The following MYO1E variants were observed in gnomAD, a reference collection of about 807,000 sequenced individuals.
The protein encoded by MYO1E is myosin IE.
In MYO1E, 68 loss-of-function variants were observed where a neutral mutation model predicts 151.1. The ratio of observed to expected loss-of-function variants is 0.45; its 90% CI spans 0.37 to 0.55. The LOEUF (loss-of-function observed/expected upper bound fraction) is 0.55. Ranked by LOEUF, MYO1E falls within the 20% of genes least tolerant of loss-of-function variation. MYO1E has a pLI of 0.00. For missense variants in MYO1E, 1,363 were observed against 1,389.3 expected, an observed-to-expected ratio of 0.98 and a Z score of 0.30; for synonymous variants, 601 against 501.7, an observed-to-expected ratio of 1.20 and a Z score of -2.64.
intron 1 of MYO1E, among the ~76,000 whole-genome samples, chr15:59,296,612 A>G (rs2080449867): frequency 6.6e-6 from 1 of 151,988 alleles, no homozygotes; most frequent in African/African-American, 2.4e-5. Context: ...TGTCCACATC[A>G]ACTGGAGTGA....
intron 5 of MYO1E, among the ~76,000 whole-genome samples, chr15:59,232,825 A>T (rs1398093825): frequency 6.6e-6 from 1 of 152,202 alleles, no homozygotes. Flanking sequence ...CTACTAACTG[A>T]CTATGTAACA....
At chr15:59,253,705 C>G (rs2080178390) in intron 4 of MYO1E, among the ~76,000 whole-genome samples, 1 of 152,060 alleles carries the variant, frequency 6.6e-6, no homozygotes, top group Admixed American at 6.6e-5. Flanking sequence ...TGGTCTTGAT[C>G]TCCTGACCTC....
rs73424993 is a variant in MYO1E, at chr15:59,288,512, C to T, written c.4-16063G>A. Among the ~76,000 whole-genome samples, 1,238 of 152,250 alleles carry T rather than the reference C, an allele frequency of 8.1e-3. 16 individuals are homozygous for T. The highest frequency in any genetic ancestry group is 0.029 in the African/African-American group (1,200 of 41,530). On this transcript the variant is annotated intron_variant, in intron 1 of 27. Transcript: ENST00000288235. Reference sequence around the variant, plus strand: ...CTTTTGAGTACATTAAAAGAGATAACGCACAGAGATTTCATATTACCCAAG... The same window carrying T: ...CTTTTGAGTACATTAAAAGAGATAATGCACAGAGATTTCATATTACCCAAG...
chr15:59,194,223 T>G (rs1472735932), intron 17 of MYO1E, among the ~76,000 whole-genome samples: 2 of 152,140 alleles, frequency 1.3e-5, no homozygotes, highest in Non-Finnish European at 2.9e-5. Flanking sequence ...ATGAGATTAT[T>G]CAGAACATAG....
At chr15:59,352,496 G>A (rs143354431) in intron 1 of MYO1E, among the ~76,000 whole-genome samples, 12 of 152,120 alleles carry the variant, frequency 7.9e-5, no homozygotes, top group African/African-American at 2.9e-4. Flanking sequence ...ACCTAAATAC[G>A]CATGTGTCTA....
chr15:59,186,969 T>C (rs569282444), intron 18 of MYO1E, among the ~76,000 whole-genome samples: 45 of 152,336 alleles, frequency 3.0e-4, no homozygotes, highest in Admixed American at 1.5e-3. Context: ...TTAAGGGATA[T>C]ATAAAAATAA....
chr15:59,209,954 C>A lies in MYO1E; in HGVS notation c.1362+560G>T, dbSNP rs369314394. ...GGCTCAAGCGATCCTCCCACCTCAG[C>A]CTCCAGAGTAGCTGGGACTACAGGT... On this transcript the variant is annotated intron_variant, in intron 13 of 27. Coordinates refer to ENST00000288235, the MANE Select transcript of MYO1E (RefSeq NM_004998.4). Among the ~76,000 whole-genome samples, 124 of 151,236 alleles carry A rather than the reference C, an allele frequency of 8.2e-4. 1 individual carries two copies. In the South Asian group the frequency reaches 0.024, roughly 29 times the overall value.
intron 6 of MYO1E, among the ~76,000 whole-genome samples, chr15:59,230,199 T>TGA (rs147749429): frequency 0.016 from 2,187 of 135,004 alleles, 58 homozygotes; most frequent in African/African-American, 0.054. Context: ...TGGTGAATAG[T>TGA]GAGAGAGAGA....
intron 1 of MYO1E, among the ~76,000 whole-genome samples, chr15:59,327,654 G>A (rs28507400): frequency 0.018 from 2,812 of 152,204 alleles, 86 homozygotes; most frequent in African/African-American, 0.062. Context: ...AGTGGACAGT[G>A]CAGGAGGGTA....
rs112312834 is a variant in MYO1E at position 59,225,790 on chromosome 15, G to A, written c.643-967C>T. Reference sequence around the variant, plus strand: ...GCCTCCTGAGTAGCTGGGACTACAGGCGCCCACCACCACGGCCAGCTAATT... The same window carrying A: ...GCCTCCTGAGTAGCTGGGACTACAGACGCCCACCACCACGGCCAGCTAATT... On this transcript the variant is annotated intron_variant, in intron 7 of 27. Transcript: ENST00000288235. Among the ~76,000 whole-genome samples, 309 of 152,114 alleles carry A rather than the reference G, an allele frequency of 2.0e-3. 1 individual carries two copies. Among genetic ancestry groups the A allele is most frequent in the African/African-American group, 7.0e-3 (291 of 41,492 alleles).
At chr15:59,336,733 A>C in intron 1 of MYO1E, among the ~76,000 whole-genome samples, 1 of 151,114 alleles carries the variant, frequency 6.6e-6, no homozygotes. Context: ...TAATTCTCCT[A>C]CCCCTCCCCT....
At chr15:59,238,260 A>T (rs1332253627) in intron 4 of MYO1E, among the ~76,000 whole-genome samples, 3 of 152,010 alleles carry the variant, frequency 2.0e-5, no homozygotes, top group African/African-American at 2.4e-5. Flanking sequence ...CAACACACAC[A>T]CTCTCTCATT....
rs1293206275 is a variant in MYO1E at position 59,135,056 on chromosome 15, G to A, written c.*2324C>T. On this transcript the variant is annotated 3_prime_UTR_variant, in exon 28 of 28. Coordinates refer to ENST00000288235, the MANE Select transcript of MYO1E (RefSeq NM_004998.4). ...ATTTCTCCAAACTTTTCTTAATAGT[G>A]TCAGCATTTCAGCATCTCTACGCAG... 6.6e-6 allele frequency: 1 copy of A among 152,172 alleles called. No individual in the cohort carries two copies. Among genetic ancestry groups the A allele is most frequent in the Non-Finnish European group, 1.5e-5 (1 of 68,042 alleles). The allele number at this position is 152,172 out of a possible 1,614,324, so 9.4% of individuals were successfully genotyped here.
chr15:59,151,010 GACAC>G (rs60541381), intron 26 of MYO1E, among the ~76,000 whole-genome samples: 25,715 of 140,766 alleles, frequency 0.18, 2,394 homozygotes, highest in East Asian at 0.32. Context: ...AGAGGAGAGG[GACAC>G]ACACACACAC....
intron 14 of MYO1E, among the ~76,000 whole-genome samples, chr15:59,206,378 C>T (rs11858975): frequency 0.088 from 13,453 of 152,180 alleles, 735 homozygotes; most frequent in African/African-American, 0.16. Flanking sequence ...AAGCCCCAGC[C>T]GACTGTCCCA....
intron 3 of MYO1E, 136 bp from the exon 4 acceptor site, chr15:59,256,514 C>T (rs2080194871): frequency 4.6e-6 from 2 of 439,154 alleles, no homozygotes; most frequent in Non-Finnish European, 7.8e-6. Context: ...AGTTCCAATG[C>T]CTATCATTAC....
rs1364593068 is a variant in MYO1E, at chr15:59,135,876, G to A, written c.*1504C>T. On this transcript the variant is annotated 3_prime_UTR_variant, in exon 28 of 28. Transcript: ENST00000288235. ...TACTTACAACCATTCCATTATTGAT[G>A]GGCATTACACTGATTCCAGCTTTTC... 2 of 152,160 alleles carry A rather than the reference G, an allele frequency of 1.3e-5. No homozygotes were observed. Among genetic ancestry groups the A allele is most frequent in the Non-Finnish European group, 2.9e-5 (2 of 68,038 alleles). The allele number at this position is 152,160 out of a possible 1,614,324, so 9.4% of individuals were successfully genotyped here.
rs71119452 is a variant in MYO1E, at chr15:59,277,564, A to ACAACAACAAC, written c.4-5116_4-5115insGTTGTTGTTG. Among the ~76,000 whole-genome samples, 1,094 of 139,828 alleles carry ACAACAACAAC rather than the reference A, an allele frequency of 7.8e-3. 17 individuals are homozygous for ACAACAACAAC. Among genetic ancestry groups the ACAACAACAAC allele is most frequent in the African/African-American group, 0.028 (1,003 of 36,090 alleles). 91.7% of individuals were successfully genotyped at this position (139,828 alleles called of 152,430 possible). ...ATCCCCCCACAAAAAAAAAAAAAAA[A>ACAACAACAAC]AAAAAAAAACATCAAAGCCTCATCC... On this transcript the variant is annotated intron_variant, in intron 1 of 27. Transcript: ENST00000288235.
chr15:59,318,048 A>C (rs1317691852), intron 1 of MYO1E, among the ~76,000 whole-genome samples: 1 of 152,184 alleles, frequency 6.6e-6, no homozygotes, highest in Non-Finnish European at 1.5e-5. Context: ...ATCTGCCTAA[A>C]CAGTAAATGG....
Sources: allele counts gnomAD v4.1 joint callset (sites outside exome capture counted in the v4.1 genomes callset), GRCh38; gene constraint gnomAD v4.1.1; transcripts MANE v1.5; gene names NCBI Gene and HGNC (gene_info 2026-07-23, HGNC 2026-07-21).